The following ITPR3 variants were observed in gnomAD, a reference collection of about 807,000 sequenced individuals.
The protein encoded by ITPR3 is inositol 1,4,5-trisphosphate-gated calcium channel ITPR3.
Under a neutral mutation model 293.2 loss-of-function variants are expected in ITPR3, and 173 were observed. The observed-to-expected ratio is 0.59, with a 90% CI of 0.52 to 0.67. ITPR3 has a LOEUF of 0.67. ITPR3 is among the 30% of genes least tolerant of loss of function. The probability of loss-of-function intolerance (pLI) is 0.00; values close to 1 mark genes in which losing one functional copy is unlikely to be tolerated. For missense variants in ITPR3, 2,796 were observed against 3,592.1 expected (o/e 0.78, Z 5.66); for synonymous variants, 1,295 against 1,444.4 (o/e 0.90, Z 2.35).
intron 51 of ITPR3, 100 bp from the exon 52 acceptor site, chr6:33,690,817 C>A: frequency 8.9e-7 from 1 of 1,129,548 alleles, no homozygotes; most frequent in South Asian, 1.4e-5. Flanking sequence ...GGGAAACTGT[C>A]TGGAGCCCAG....
rs1168548493 is a variant in ITPR3 at position 33,621,994 on chromosome 6, G to A, written c.89+303G>A. On this transcript the variant is annotated intron_variant, in intron 1 of 57. Coordinates refer to ENST00000605930, the MANE Select transcript of ITPR3 (RefSeq NM_002224.4). The surrounding 1 kb of genome is among the most constrained non-coding windows in gnomAD (Gnocchi z 7.7). ...AGGCTTCCTTTGCAGGTGGTCCCGGGGGCGGGCAGGTGGGTGGCTGGAGGC... is the reference window on the plus strand; with the variant it reads ...AGGCTTCCTTTGCAGGTGGTCCCGGAGGCGGGCAGGTGGGTGGCTGGAGGC... Among the ~76,000 whole-genome samples the A allele has an allele frequency of 1.3e-5, 2 of 152,226 alleles. No individual in the cohort carries two copies. The highest frequency in any genetic ancestry group is 6.5e-5 in the Admixed American group (1 of 15,282).
At chr6:33,661,610 G>T (rs1404190522) in intron 7 of ITPR3, among the ~76,000 whole-genome samples, 9 of 152,214 alleles carry the variant, frequency 5.9e-5, no homozygotes, top group African/African-American at 2.2e-4. Context: ...CACAATTTCT[G>T]CAAGGAGGTC....
chr6:33,621,837 T>A lies in ITPR3; in HGVS notation c.89+146T>A. On this transcript the variant is annotated intron_variant, in intron 1 of 57. Transcript: ENST00000605930. This position sits in a 1 kb window ranked among gnomAD's most constrained non-coding sequence, Gnocchi z 7.7. ...GGAGCGGGAACGGCTCGCCTCCTTC[T>A]TTTACAGAAAGGAAGTGAAGTGTTT... 1 of 646,282 alleles carries A rather than the reference T, an allele frequency of 1.5e-6. No individual in the cohort carries two copies. The highest frequency in any genetic ancestry group is 2.7e-6 in the Non-Finnish European group (1 of 365,010). The allele number at this position is 646,282 out of a possible 1,614,324, so 40.0% of individuals were successfully genotyped here.
rs866967847 is a variant in ITPR3, at chr6:33,633,862, G to A, written c.90-6622G>A. On this transcript the variant is annotated intron_variant, in intron 1 of 57. Transcript: ENST00000605930. The surrounding 1 kb of genome is among the most constrained non-coding windows in gnomAD (Gnocchi z 5.2). ...CGGGGCGGGGCCGGGCCGGGCCGGG[G>A]CGGGGCCAGGGAGGCCAGACCTACG... Among the ~76,000 whole-genome samples the A allele has an allele frequency of 5.7e-4, 84 of 148,640 alleles. 1 individual carries two copies. Among genetic ancestry groups the A allele is most frequent in the Middle Eastern group, 6.9e-3 (2 of 290 alleles).
At chr6:33,668,804 T>G (rs914447965) in intron 17 of ITPR3, among the ~76,000 whole-genome samples, 170 bp downstream of exon 17, 4 of 151,552 alleles carry the variant, frequency 2.6e-5, no homozygotes, top group African/African-American at 9.7e-5. Flanking sequence ...TGTGGGGGAG[T>G]GGGGAAGGGG....
rs887060542 is a variant in ITPR3, at chr6:33,685,449, A to G, written c.5398A>G (p.Thr1800Ala). The change falls in exon 40 of 58, where the codon ACC (threonine) becomes GCC (alanine). Residue 1800 changes from threonine to alanine, a missense_variant. By Grantham distance (58) the Thr-to-Ala change is moderately conservative. Around this residue, in one of 8 missense-constraint regions of ITPR3, gnomAD observed 704 missense variants for 797.5 expected, o/e 0.88. Coordinates refer to ENST00000605930, the MANE Select transcript of ITPR3 (RefSeq NM_002224.4). ...CCGCATGAAGCGGGCCCAGCAGGAG[A>G]CCAAGTCCACGGTGGCAGTCAACAT... Reference protein sequence around the residue: ...HDRMKRAQQETKSTVAVNMND... With the variant: ...HDRMKRAQQEAKSTVAVNMND... 1 of 1,614,042 alleles carries G rather than the reference A, an allele frequency of 6.2e-7. No homozygotes were observed. Among genetic ancestry groups the G allele is most frequent in the East Asian group, 2.2e-5 (1 of 44,882 alleles).
chr6:33,629,377 A>G (rs1391477990), intron 1 of ITPR3, among the ~76,000 whole-genome samples: 1 of 151,968 alleles, frequency 6.6e-6, no homozygotes, highest in Non-Finnish European at 1.5e-5. Flanking sequence ...GTTCACTGTA[A>G]CCTCGAACTC....
rs1037666940 is a variant in ITPR3 at position 33,667,721 on chromosome 6, G to A, written c.1714-71G>A. 1.9e-5 allele frequency: 29 copies of A among 1,560,130 alleles called. No individual in the cohort carries two copies. Among genetic ancestry groups the A allele is most frequent in the South Asian group, 7.0e-5 (6 of 86,078 alleles). On this transcript the variant is annotated intron_variant, in intron 15 of 57. Coordinates refer to ENST00000605930, the MANE Select transcript of ITPR3 (RefSeq NM_002224.4). The surrounding 1 kb of genome is among the most constrained non-coding windows in gnomAD (Gnocchi z 4.4). ...CCTTACCTCGGGGTTTGGGGGCAGC[G>A]TTCCAGAGCAGAGCTGGGCCCTTGG...
chr6:33,668,643 T>C lies in ITPR3; in HGVS notation c.2006+9T>C. The C allele has an allele frequency of 6.2e-7, 1 of 1,614,128 alleles. No individual in the cohort carries two copies. Among genetic ancestry groups the C allele is most frequent in the Non-Finnish European group, 8.5e-7 (1 of 1,179,998 alleles). ...ATTCTCATCCGGACCGAGTGAGCCC[T>C]GTGCCCCCTGCCCGCACTTGGGCTC... On this transcript the variant is annotated intron_variant, in intron 17 of 57. Coordinates refer to ENST00000605930, the MANE Select transcript of ITPR3 (RefSeq NM_002224.4).
chr6:33,680,067 G>A lies in ITPR3; in HGVS notation c.4158G>A (p.Lys1386=), dbSNP rs761767122. 1 of 1,613,806 alleles carries A rather than the reference G, an allele frequency of 6.2e-7. No individual in the cohort carries two copies. The highest frequency in any genetic ancestry group is 8.5e-7 in the Non-Finnish European group (1 of 1,180,032). Residue 1386 remains lysine (K), a synonymous_variant, in exon 31 of 58, where the codon AAG becomes AAA. Coordinates refer to ENST00000605930, the MANE Select transcript of ITPR3 (RefSeq NM_002224.4). ...AEGKNVYTEI[K]CTSLLPLEDV... is the part of the protein sequence containing the mutation. ...GCAAAAACGTCTACACTGAGATCAA[G>A]TGCACCTCCCTGCTGCCGCTGGAGG...
At chr6:33,677,751 C>T (rs1764949041) in intron 28 of ITPR3, 122 bp downstream of exon 28, 10 of 1,210,780 alleles carry the variant, frequency 8.3e-6, no homozygotes, top group Non-Finnish European at 1.1e-5. Context: ...CTTACACTGC[C>T]CTGTTTGTTT....
chr6:33,686,921 G>A, intron 43 of ITPR3, 88 bp from the exon 44 acceptor site: 1 of 1,021,708 alleles, frequency 9.8e-7, no homozygotes, highest in East Asian at 2.4e-5. Context: ...TTGGATGGGA[G>A]AGCTGTTATG....
chr6:33,693,303 C>T (rs1184895777), intron 55 of ITPR3, among the ~76,000 whole-genome samples: 1 of 152,176 alleles, frequency 6.6e-6, no homozygotes, highest in African/African-American at 2.4e-5. Context: ...GAAATTCTCG[C>T]GTTTACTCCT....
intron 28 of ITPR3, among the ~76,000 whole-genome samples, chr6:33,677,857 C>T (rs1025684640): frequency 6.6e-6 from 1 of 152,116 alleles, no homozygotes; most frequent in African/African-American, 2.4e-5. Flanking sequence ...TGATTTGACC[C>T]CAGCCTTATG....
Position 33,640,553 on chromosome 6 carries a change from T to C in ITPR3, c.159T>C (p.Arg53=), listed in dbSNP as rs141783150. Residue 53 remains arginine, a splice_region_variant and synonymous_variant, in exon 2 of 58, where the codon CGT becomes CGC. Transcript: ENST00000605930. ...TGGACAACCCCCCTAAGAAGTTCCG[T>C]GGTAAGACCTCCGCTTCCTCTGCCC... The part of the protein sequence containing the change: ...GDLDNPPKKF[R]DCLFKVCPMN... 458 of 1,611,814 alleles carry C rather than the reference T, an allele frequency of 2.8e-4. 1 individual carries two copies. In the African/African-American group the frequency reaches 5.6e-3, roughly 20 times the overall value.
Position 33,695,712 on chromosome 6 carries a change from AT to A in ITPR3, c.7949del (p.Met2650ArgfsTer11). The A allele has an allele frequency of 6.2e-7, 1 of 1,614,104 alleles. No individual in the cohort carries two copies. The highest frequency in any genetic ancestry group is 8.5e-7 in the Non-Finnish European group (1 of 1,180,000). Reference protein sequence around the residue: ...TAQLNELKEQMTEQRKRRQRL... With the variant: ...TAQLNELKEQXTEQRKRRQRL... ...CCTGTTGGCATCTGCTTAACCCTAG[AT>A]GACGGAGCAGCGGAAACGCAGGCAA... On this transcript the variant is annotated frameshift_variant and splice_region_variant, in exon 58 of 58. Transcript: ENST00000605930. LOFTEE classifies it high-confidence loss of function.
rs777777759 is a variant in ITPR3 at position 33,691,936 on chromosome 6, C to T, written c.7458+8C>T. Reference sequence around the variant, plus strand: ...CGCAAGCCCTCCAAAGATGTGAGCACTCCTGCCCACTCCCAAACCTGTGGG... The same window carrying T: ...CGCAAGCCCTCCAAAGATGTGAGCATTCCTGCCCACTCCCAAACCTGTGGG... On this transcript the variant is annotated splice_region_variant and intron_variant, in intron 54 of 57. Transcript: ENST00000605930. The surrounding 1 kb of genome is among the most constrained non-coding windows in gnomAD (Gnocchi z 4.9). The T allele has an allele frequency of 6.8e-6, 11 of 1,613,548 alleles. No homozygotes were observed. In the Admixed American group the frequency reaches 1.0e-4, roughly 15 times the overall value.
In ITPR3 at chr6:33,641,658, C is replaced by G. The variant is rs149728929; in HGVS notation, c.160+1104C>G. On this transcript the variant is annotated intron_variant, in intron 2 of 57. Coordinates refer to ENST00000605930, the MANE Select transcript of ITPR3 (RefSeq NM_002224.4). ...ACACCGTTGGCCCCTGCTGCCTCTC[C>G]ACCTCATCCTCTCCCCCTTGCCCCC... 8.6e-3 allele frequency among the ~76,000 whole-genome samples: 1,309 copies of G among 152,180 alleles called. 11 individuals are homozygous for G. Among genetic ancestry groups the G allele is most frequent in the Non-Finnish European group, 0.011 (744 of 67,994 alleles).
Position 33,675,963 on chromosome 6 carries a change from G to A in ITPR3, c.3282+107G>A. 3 of 1,328,952 alleles carry A rather than the reference G, an allele frequency of 2.3e-6. No homozygotes were observed. In the South Asian group the frequency reaches 4.7e-5, roughly 21 times the overall value. The allele number at this position is 1,328,952 out of a possible 1,614,324, so 82.3% of individuals were successfully genotyped here. ...CACAGCTCAAGGGGTAACTTGGGAT[G>A]CCCATTTGGGGTTTTCAGCCTTGCT... On this transcript the variant is annotated intron_variant, in intron 25 of 57. Transcript: ENST00000605930. This position sits in a 1 kb window ranked among gnomAD's most constrained non-coding sequence, Gnocchi z 5.0.
Sources: gnomAD v4.1 joint callset for allele counts (sites outside exome capture counted in the v4.1 genomes callset) on GRCh38, gnomAD v4.1.1 for gene constraint, gnomAD v4.1.1 regional missense constraint, Gnocchi (gnomAD v3.1) non-coding constraint, MANE v1.5 for transcripts, NCBI Gene and HGNC (gene_info 2026-07-23, HGNC 2026-07-21) for gene names.